KLHL12: variants seen among roughly 807,000 people sequenced by gnomAD.
KLHL12 encodes kelch-like protein 12.
A neutral mutation model predicts 60.8 loss-of-function variants in KLHL12; 17 were observed. That is an observed-to-expected ratio of 0.28 (90% CI 0.19 to 0.42). The LOEUF (loss-of-function observed/expected upper bound fraction) is 0.42. KLHL12 is among the 10% of genes least tolerant of loss of function. KLHL12 has a pLI of 1.00. For synonymous variants in KLHL12, 220 were observed against 250.9 expected (o/e 0.88, Z 1.16); for missense variants, 468 against 722.3 (o/e 0.65, Z 4.04).
At chr1:202,897,373 T>C (rs933437458) in intron 6 of KLHL12, among the ~76,000 whole-genome samples, 2 of 151,648 alleles carry the variant, frequency 1.3e-5, no homozygotes, top group African/African-American at 4.8e-5. Context: ...GTAGCTGGGA[T>C]TACAGGCTGT....
intron 6 of KLHL12, among the ~76,000 whole-genome samples, chr1:202,906,994 G>C (rs1164415543): frequency 6.6e-6 from 1 of 152,092 alleles, no homozygotes; most frequent in African/African-American, 2.4e-5. Flanking sequence ...AGAAAAAAAA[G>C]ACTTCCATCC....
intron 2 of KLHL12, among the ~76,000 whole-genome samples, chr1:202,923,021 G>A (rs1021143035): frequency 6.6e-6 from 1 of 152,144 alleles, no homozygotes; most frequent in Non-Finnish European, 1.5e-5. Context: ...GAAGTTAGAT[G>A]GTTCCCAGGG....
chr1:202,926,848 T>C (rs1653586761), intron 1 of KLHL12, among the ~76,000 whole-genome samples: 1 of 152,160 alleles, frequency 6.6e-6, no homozygotes, highest in African/African-American at 2.4e-5. Context: ...TCCTTCCTCC[T>C]AATACCACCA....
chr1:202,893,380 C>T lies in KLHL12; in HGVS notation c.1439G>A (p.Gly480Glu), dbSNP rs573767086. 2 of 1,613,552 alleles carry T rather than the reference C, an allele frequency of 1.2e-6. No individual in the cohort carries two copies. Among genetic ancestry groups the T allele is most frequent in the South Asian group, 1.1e-5 (1 of 91,052 alleles). ...AGAAAGGTGGGCTGTACCATCAAAT[C>T]CCCCCACCACATAAATATGGTCATT... ...LLNDHIYVVG[G>E]FDGTAHLSSV... Residue 480 changes from glycine (G) to glutamate (E), a missense_variant, in exon 11 of 12, where the codon GGA (glycine) becomes GAA (glutamate). By Grantham distance (98) the Gly-to-Glu change is moderately conservative (BLOSUM62 -2). Around this residue, in one of 4 missense-constraint regions of KLHL12, gnomAD observed 68 missense variants for 119.8 expected, o/e 0.57. Transcript: ENST00000367261. This position sits in a 1 kb window ranked among gnomAD's most constrained non-coding sequence, Gnocchi z 4.1.
At chr1:202,914,650 G>A (rs1366618944) in intron 4 of KLHL12, among the ~76,000 whole-genome samples, 1 of 151,976 alleles carries the variant, frequency 6.6e-6, no homozygotes, top group African/African-American at 2.4e-5. Flanking sequence ...GGTGGATCAC[G>A]AGGTCAGGAG....
Position 202,927,214 on chromosome 1 carries a change from G to A in KLHL12, c.-171C>T. ...CCGCCCAGACCCGGAGGCTCTGGAG[G>A]CTCTGGAGCCGTCCGGGTCTGGCCC... is the stretch of plus-strand genomic sequence containing the variant. On this transcript the variant is annotated 5_prime_UTR_variant, in exon 1 of 12. Transcript: ENST00000367261. 1.0e-6 allele frequency: 1 copy of A among 985,218 alleles called. No individual in the cohort carries two copies. Among genetic ancestry groups the A allele is most frequent in the Non-Finnish European group, 1.2e-6 (1 of 829,870 alleles). 61.0% of individuals were successfully genotyped at this position (985,218 alleles called of 1,614,324 possible). A position where few individuals can be genotyped will look rare whatever the true frequency, so the allele number is the denominator to read the frequency against.
At chr1:202,911,703 AG>A in intron 4 of KLHL12, 2 of 562,780 alleles carry the variant, frequency 3.6e-6, no homozygotes, top group Non-Finnish European at 6.3e-6. Flanking sequence ...CCTCTGAAGC[AG>A]GAGCTTCTCT....
chr1:202,892,760 T>A, intron 11 of KLHL12, 101 bp from the exon 12 acceptor site: 1 of 1,303,706 alleles, frequency 7.7e-7, no homozygotes, highest in Non-Finnish European at 1.1e-6. Context: ...GAGGATTGCT[T>A]AAGCCCAGGA....
At chr1:202,920,542 A>G (rs905312652) in intron 2 of KLHL12, among the ~76,000 whole-genome samples, 3 of 151,358 alleles carry the variant, frequency 2.0e-5, no homozygotes, top group Non-Finnish European at 4.4e-5. Flanking sequence ...ACGCCCGGCT[A>G]ATTTTTTGTA....
upstream of KLHL12, chr1:202,927,236 G>GC: frequency 1.0e-6 from 1 of 985,202 alleles, no homozygotes; most frequent in Non-Finnish European, 1.2e-6. Flanking sequence ...TCCGGGTCTG[G>GC]CCCCTGCGGC....
intron 1 of KLHL12, among the ~76,000 whole-genome samples, chr1:202,926,184 T>C (rs1012511060): frequency 6.6e-6 from 1 of 151,968 alleles, no homozygotes; most frequent in African/African-American, 2.4e-5. Flanking sequence ...AAGTTATCGA[T>C]GGACTTACAC....
chr1:202,899,276 C>T (rs1305564859), intron 6 of KLHL12, among the ~76,000 whole-genome samples: 1 of 152,204 alleles, frequency 6.6e-6, no homozygotes, highest in African/African-American at 2.4e-5. Flanking sequence ...AGCGCCACTA[C>T]ACTCCAGCCT....
chr1:202,927,167 C>A lies in KLHL12; in HGVS notation c.-124G>T. The A allele has an allele frequency of 2.0e-6, 2 of 985,324 alleles. No homozygotes were observed. The highest frequency in any genetic ancestry group is 2.4e-6 in the Non-Finnish European group (2 of 829,938). 61.0% of individuals were successfully genotyped at this position (985,324 alleles called of 1,614,324 possible). ...TGGAGTGCGGCGCGGGGCTAGCAGG[C>A]GGCTCGGGAGGAGCCGAAGCGCCGC... On this transcript the variant is annotated 5_prime_UTR_variant, in exon 1 of 12. Transcript: ENST00000367261.
rs370397228 is a variant in KLHL12 at position 202,909,023 on chromosome 1, T to A, written c.819A>T (p.Thr273=). The change falls in exon 6 of 12, where the codon ACA becomes ACT. Residue 273 remains threonine, a synonymous_variant. Transcript: ENST00000367261. The surrounding 1 kb of genome is among the most constrained non-coding windows in gnomAD (Gnocchi z 4.1). ...ATACCAGCTTACCTAGGCGAGCCCTTGTCCTGGGTCCCTGCATCTGACTCC... is the reference window on the plus strand; with the variant it reads ...ATACCAGCTTACCTAGGCGAGCCCTAGTCCTGGGTCCCTGCATCTGACTCC... ...ELRSQMQGPR[T]RARLGANEVL... 2.1e-5 allele frequency: 34 copies of A among 1,612,738 alleles called. No homozygotes were observed. Among genetic ancestry groups the A allele is most frequent in the Admixed American group, 6.7e-5 (4 of 59,988 alleles).
rs139150651 is a variant in KLHL12, at chr1:202,911,987, G to A, written c.568-784C>T. The stretch of plus-strand genomic sequence containing the variant: ...AACACCAAGTGCTCCAGGGGCTTTG[G>A]GTTTGTCACATATGCCATTGTGGAG... On this transcript the variant is annotated intron_variant, in intron 4 of 11. Transcript: ENST00000367261. 1.0e-3 allele frequency: 824 copies of A among 802,856 alleles called. 4 individuals are homozygous for A. The African/African-American group carries it at 0.012, about 12-fold the overall frequency. The allele number at this position is 802,856 out of a possible 1,614,324, so 49.7% of individuals were successfully genotyped here. A position where few individuals can be genotyped will look rare whatever the true frequency, so the allele number is the denominator to read the frequency against.
chr1:202,894,131 TG>T (rs1659757853), intron 10 of KLHL12, 52 bp downstream of exon 10: 2 of 1,000,538 alleles, frequency 2.0e-6, no homozygotes, highest in Admixed American at 4.2e-5. Flanking sequence ...CCATTATATA[TG>T]TAAAGGTCTG....
intron 4 of KLHL12, chr1:202,912,090 G>A (rs12741542): frequency 1.6e-5 from 13 of 809,534 alleles, no homozygotes; most frequent in Non-Finnish European, 2.8e-5. Flanking sequence ...CTGTTTCAAG[G>A]GAAGATTCTC....
Position 202,925,109 on chromosome 1 carries a change from G to T in KLHL12, c.54C>A (p.Ser18=), listed in dbSNP as rs1448501277. 1.2e-6 allele frequency: 2 copies of T among 1,613,986 alleles called. No homozygotes were observed. Among genetic ancestry groups the T allele is most frequent in the Non-Finnish European group, 1.7e-6 (2 of 1,180,018 alleles). The part of the protein sequence containing the change: ...KDIMTNTHAK[S]ILNSMNSLRK... ...TGAGGGAGTTCATTGAATTGAGGAT[G>T]GATTTAGCATGAGTATTTGTCATTA... is the stretch of plus-strand genomic sequence containing the variant. Residue 18 remains serine (S), a synonymous_variant, in exon 2 of 12, where the codon TCC becomes TCA. Coordinates refer to ENST00000367261, the MANE Select transcript of KLHL12 (RefSeq NM_021633.4).
chr1:202,912,059 G>A (rs1660379086), intron 4 of KLHL12: 2 of 787,306 alleles, frequency 2.5e-6, no homozygotes, highest in Non-Finnish European at 4.5e-6. Context: ...GTGGATGGAA[G>A]AGTTGGAGAA....
Sources: allele counts gnomAD v4.1 joint callset (sites outside exome capture counted in the v4.1 genomes callset), GRCh38; gene constraint gnomAD v4.1.1; regional missense constraint gnomAD v4.1.1; non-coding constraint Gnocchi (gnomAD v3.1); transcripts MANE v1.5; gene names NCBI Gene and HGNC (gene_info 2026-07-23, HGNC 2026-07-21).